RPL4: variants seen among roughly 807,000 people sequenced by gnomAD.
RPL4 encodes ribosomal protein L4, also known as large ribosomal subunit protein uL4.
In RPL4, 3 loss-of-function variants were observed where a neutral mutation model predicts 47.7. That is an observed-to-expected ratio of 0.06 (90% confidence interval 0.03 to 0.16). The LOEUF is 0.16. Ranked by LOEUF, RPL4 falls within the 10% of genes least tolerant of loss-of-function variation. The pLI is 1.00. For synonymous variants in RPL4, 208 were observed against 182.1 expected (o/e 1.14, Z -1.15); for missense variants, 413 against 551.3 (o/e 0.75, Z 2.51).
At chr15:66,504,661 A>G in intron 1 of RPL4, 127 bp downstream of exon 1, 1 of 1,380,156 alleles carries the variant, frequency 7.2e-7, no homozygotes, top group Non-Finnish European at 9.9e-7. Flanking sequence ...CACCAGAAAA[A>G]GACGCCTTTG....
In RPL4 at chr15:66,499,422, C is replaced by T. The variant is rs890763877; in HGVS notation, c.1269G>A (p.Lys423=). ...ATTTAAGAGTTTATGCAGCAGGCTTCTTCTCCTCTGTAGTAGGTTTCTTCT... is the reference window on the plus strand; with the variant it reads ...ATTTAAGAGTTTATGCAGCAGGCTTTTTCTCCTCTGTAGTAGGTTTCTTCT... ...PAEKKPTTEE[K]KPAA Residue 423 remains lysine, a synonymous_variant, in exon 10 of 10, where the codon AAG becomes AAA. Coordinates refer to ENST00000307961, the MANE Select transcript of RPL4 (RefSeq NM_000968.4). The T allele has an allele frequency of 1.9e-6, 3 of 1,608,024 alleles. No individual in the cohort carries two copies. The African/African-American group carries it at 4.0e-5, about 22-fold the overall frequency.
chr15:66,500,568 TGGATCACCTAAGGTCA>T (rs1893590158), intron 7 of RPL4, 192 bp from the exon 8 acceptor site: 2 of 597,020 alleles, frequency 3.3e-6, no homozygotes, highest in Admixed American at 6.2e-5. Flanking sequence ...CCGAGGCGGG[TGGATCACCTAAGGTCA>T]GGAGTTCCAG....
Position 66,504,804 on chromosome 15 carries a change from G to A in RPL4, c.-14C>T, listed in dbSNP as rs201791720. On this transcript the variant is annotated 5_prime_UTR_variant, in exon 1 of 10. Coordinates refer to ENST00000307961, the MANE Select transcript of RPL4 (RefSeq NM_000968.4). ...TCCACTCACCATGGCGGAGAGAGGA[G>A]ACAGCCACGCTCCTCTCAGCCCGGC... is the stretch of plus-strand genomic sequence containing the variant. 137 of 1,611,510 alleles carry A rather than the reference G, an allele frequency of 8.5e-5. No individual in the cohort carries two copies. The highest frequency in any genetic ancestry group is 4.1e-4 in the South Asian group (37 of 90,684).
In RPL4 at chr15:66,500,554, G is replaced by A. The variant is rs964850739; in HGVS notation, c.834-178C>T. On this transcript the variant is annotated intron_variant, in intron 7 of 9. Coordinates refer to ENST00000307961, the MANE Select transcript of RPL4 (RefSeq NM_000968.4). Reference sequence around the variant, plus strand: ...CACCCCTATAATCCCAGCACTTGGGGAGGCCGAGGCGGGTGGATCACCTAA... The same window carrying A: ...CACCCCTATAATCCCAGCACTTGGGAAGGCCGAGGCGGGTGGATCACCTAA... The A allele has an allele frequency of 9.7e-6, 6 of 621,734 alleles. No homozygotes were observed. In the African/African-American group the frequency reaches 1.1e-4, roughly 12 times the overall value. 38.5% of individuals were successfully genotyped at this position (621,734 alleles called of 1,614,324 possible).
rs748280634 is a variant in RPL4 at position 66,499,421 on chromosome 15, T to G, written c.1270A>C (p.Lys424Gln). 84 of 1,607,400 alleles carry G rather than the reference T, an allele frequency of 5.2e-5. No individual in the cohort carries two copies. Among genetic ancestry groups the G allele is most frequent in the African/African-American group, 8.1e-5 (6 of 74,300 alleles). The change falls in exon 10 of 10, where the codon AAG becomes CAG. Residue 424 changes from lysine (K) to glutamine (Q), a missense_variant. Physicochemically the swap from Lys to Gln is moderately conservative, Grantham distance 53 (BLOSUM62 1). Around this residue, in one of 4 missense-constraint regions of RPL4, gnomAD observed 134 missense variants for 122.7 expected, o/e 1.09. Coordinates refer to ENST00000307961, the MANE Select transcript of RPL4 (RefSeq NM_000968.4). ...AEKKPTTEEK[K>Q]PAA is the part of the protein sequence containing the mutation. Reference sequence around the variant, plus strand: ...AATTTAAGAGTTTATGCAGCAGGCTTCTTCTCCTCTGTAGTAGGTTTCTTC... The same window carrying G: ...AATTTAAGAGTTTATGCAGCAGGCTGCTTCTCCTCTGTAGTAGGTTTCTTC...
intron 7 of RPL4, 88 bp from the exon 8 acceptor site, chr15:66,500,464 G>A (rs1595895178): frequency 1.8e-6 from 2 of 1,141,232 alleles, no homozygotes; most frequent in African/African-American, 1.5e-5. Context: ...TAGCCACTAT[G>A]CTCTCCAAAA....
At position 66,503,588 on chromosome 15, in the gene RPL4, T is replaced by G. The variant is rs1595897015; in HGVS notation, c.4-59A>C. ...AAGTAATGTTTGAAGCAAACTCTTC[T>G]CATACGCCAACAATACCATTAAATA... On this transcript the variant is annotated intron_variant, in intron 1 of 9. Transcript: ENST00000307961. 5 of 1,505,274 alleles carry G rather than the reference T, an allele frequency of 3.3e-6. No homozygotes were observed. In the South Asian group the frequency reaches 5.1e-5, roughly 15 times the overall value. 93.2% of individuals were successfully genotyped at this position (1,505,274 alleles called of 1,614,324 possible).
chr15:66,504,846 G>T lies in RPL4; in HGVS notation c.-56C>A. ...CAGCCCGGCTGCTGCCACAGGAAAA[G>T]GAAGTGCTTACCACTCCCGCTGTAT... On this transcript the variant is annotated 5_prime_UTR_variant, in exon 1 of 10. Coordinates refer to ENST00000307961, the MANE Select transcript of RPL4 (RefSeq NM_000968.4). 6.2e-7 allele frequency: 1 copy of T among 1,604,052 alleles called. No homozygotes were observed. Among genetic ancestry groups the T allele is most frequent in the Non-Finnish European group, 8.5e-7 (1 of 1,175,590 alleles).
At chr15:66,504,459 T>C (rs1014712131) in intron 1 of RPL4, among the ~76,000 whole-genome samples, 11 of 152,206 alleles carry the variant, frequency 7.2e-5, no homozygotes, top group Non-Finnish European at 1.3e-4. Context: ...AAGCTTTTAA[T>C]AGAAATGATT....
rs1444108726 is a variant in RPL4, at chr15:66,501,865, T to C, written c.469A>G (p.Lys157Glu). Residue 157 changes from lysine to glutamate, a missense_variant, in exon 5 of 10, where the codon AAA becomes GAA. Lys to Glu is a moderately conservative substitution (Grantham distance 56, BLOSUM62 1). This residue lies in a region of RPL4 where 214 missense variants were observed against 304.2 expected (regional missense o/e 0.70). Transcript: ENST00000307961. ...VPELPLVVED[K>E]VEGYKKTKEA... ...TTGGTCTTCTTGTAGCCTTCAACTT[T>C]ATCTTCAACTACCAAAGGAAGTTCA... 4 of 1,612,202 alleles carry C rather than the reference T, an allele frequency of 2.5e-6. No homozygotes were observed. Among genetic ancestry groups the C allele is most frequent in the Non-Finnish European group, 3.4e-6 (4 of 1,179,954 alleles).
rs776593159 is a variant in RPL4 at position 66,504,825 on chromosome 15, C to G, written c.-35G>C. 11 of 1,608,838 alleles carry G rather than the reference C, an allele frequency of 6.8e-6. No individual in the cohort carries two copies. In the Admixed American group the frequency reaches 1.2e-4, roughly 17 times the overall value. On this transcript the variant is annotated 5_prime_UTR_variant, in exon 1 of 10. Transcript: ENST00000307961. ...AGGAGACAGCCACGCTCCTCTCAGC[C>G]CGGCTGCTGCCACAGGAAAAGGAAG...
chr15:66,501,455 C>T lies in RPL4; in HGVS notation c.596G>A (p.Arg199His). The T allele has an allele frequency of 6.2e-7, 1 of 1,614,142 alleles. No homozygotes were observed. The highest frequency in any genetic ancestry group is 8.5e-7 in the Non-Finnish European group (1 of 1,180,024). Residue 199 changes from arginine to histidine, a missense_variant, in exon 6 of 10, where the codon CGT becomes CAT. Coordinates refer to ENST00000307961, the MANE Select transcript of RPL4 (RefSeq NM_000968.4). ...MRAGKGKMRN[R>H]RRIQRRGPCI... ...CGGGCCCCTGCGCTGGATACGGCGA[C>T]GGTTTCTCATTTTGCCTTTGCCAGC...
intron 5 of RPL4, 52 bp from the exon 6 acceptor site, chr15:66,501,556 G>A (rs768637369): frequency 2.5e-6 from 4 of 1,603,442 alleles, no homozygotes; most frequent in African/African-American, 1.3e-5. Flanking sequence ...CTCTGCAATA[G>A]ATCTTCAGAG....
Position 66,502,656 on chromosome 15 carries a change from G to A in RPL4, c.377C>T (p.Ser126Phe), listed in dbSNP as rs11549575. The change falls in exon 4 of 10, where the codon TCT becomes TTT. Residue 126 changes from serine (S) to phenylalanine (F), a missense_variant. Ser to Phe is a radical substitution (Grantham distance 155). Coordinates refer to ENST00000307961, the MANE Select transcript of RPL4 (RefSeq NM_000968.4). Reference protein sequence around the residue: ...NTTQKRYAICSALAASALPAL... With the variant: ...NTTQKRYAICFALAASALPAL... Reference sequence around the variant, plus strand: ...TGGTAGGGCTGAGGCAGCCAGGGCAGAACAGATGGCGTATCGTTTTTGGGT... The same window carrying A: ...TGGTAGGGCTGAGGCAGCCAGGGCAAAACAGATGGCGTATCGTTTTTGGGT... The A allele has an allele frequency of 6.2e-7, 1 of 1,613,302 alleles. No individual in the cohort carries two copies. Among genetic ancestry groups the A allele is most frequent in the Non-Finnish European group, 8.5e-7 (1 of 1,179,878 alleles).
chr15:66,499,858 A>T (rs1481145252), intron 9 of RPL4, 198 bp downstream of exon 9: 3 of 910,436 alleles, frequency 3.3e-6, no homozygotes, highest in Non-Finnish European at 4.9e-6. Context: ...CCCCGTCTCT[A>T]CTGAAAATAC....
At chr15:66,502,987 T>A (rs1207769746) in intron 3 of RPL4, 71 bp downstream of exon 3, 4 of 1,433,796 alleles carry the variant, frequency 2.8e-6, no homozygotes, top group Non-Finnish European at 2.9e-6. Context: ...CGTATTATCA[T>A]CAATAAACCA....
rs773004678 is a variant in RPL4 at position 66,504,828 on chromosome 15, G to C, written c.-38C>G. On this transcript the variant is annotated 5_prime_UTR_variant, in exon 1 of 10. Transcript: ENST00000307961. ...AGACAGCCACGCTCCTCTCAGCCCG[G>C]CTGCTGCCACAGGAAAAGGAAGTGC... 2 of 1,608,630 alleles carry C rather than the reference G, an allele frequency of 1.2e-6. No homozygotes were observed. Among genetic ancestry groups the C allele is most frequent in the Non-Finnish European group, 1.7e-6 (2 of 1,178,238 alleles).
intron 4 of RPL4, 109 bp from the exon 5 acceptor site, chr15:66,502,021 A>G (rs1252888633): frequency 3.6e-6 from 5 of 1,384,112 alleles, no homozygotes; most frequent in Non-Finnish European, 5.1e-6. Flanking sequence ...TCCGTTTGCC[A>G]AGTCAGAATT....
Position 66,503,470 on chromosome 15 carries a change from A to G in RPL4, c.63T>C (p.Asn21=). ...CCTTGAATACAGCAGGCAAAGTGACATTTTTGCCAGATGACTCCCCCTTTT... is the reference window on the plus strand; with the variant it reads ...CCTTGAATACAGCAGGCAAAGTGACGTTTTTGCCAGATGACTCCCCCTTTT... ...YSEKGESSGK[N]VTLPAVFKAP... is the part of the protein sequence containing the mutation. The change falls in exon 2 of 10, where the codon AAT becomes AAC. Residue 21 remains asparagine (N), a synonymous_variant. Coordinates refer to ENST00000307961, the MANE Select transcript of RPL4 (RefSeq NM_000968.4). The G allele has an allele frequency of 6.2e-7, 1 of 1,611,506 alleles. No homozygotes were observed. The highest frequency in any genetic ancestry group is 8.5e-7 in the Non-Finnish European group (1 of 1,177,868).
Sources: allele counts gnomAD v4.1 joint callset (sites outside exome capture counted in the v4.1 genomes callset), GRCh38; gene constraint gnomAD v4.1.1; regional missense constraint gnomAD v4.1.1; transcripts MANE v1.5; gene names NCBI Gene and HGNC (gene_info 2026-07-23, HGNC 2026-07-21).